Variants in ATR observed in about 807,000 individuals in gnomAD.
ATR encodes the protein serine/threonine-protein kinase ATR.
ATR carries 142 observed loss-of-function variants against 305.3 expected under a neutral mutation model. The ratio of observed to expected loss-of-function variants is 0.47; its 90% CI spans 0.41 to 0.53. The LOEUF is 0.53. Among genes scored for constraint, ATR ranks in the 20% least tolerant of loss-of-function variants. ATR has a pLI of 0.00. For synonymous variants in ATR, 1,050 were observed against 1,068.1 expected (o/e 0.98, Z 0.33); for missense variants, 2,135 against 3,133.1 (o/e 0.68, Z 7.60).
intron 5 of ATR, among the ~76,000 whole-genome samples, chr3:142,561,003 T>C (rs573712801): frequency 6.6e-6 from 1 of 152,324 alleles, no homozygotes; most frequent in East Asian, 1.9e-4. Context: ...TTTTCACATA[T>C]TAAAAAGTTA....
At chr3:142,496,278 C>CTATATATATA (rs6148111) in intron 34 of ATR, 83 bp downstream of exon 34, 2 of 113,690 alleles carry the variant, frequency 1.8e-5, no homozygotes, top group Non-Finnish European at 3.0e-5. Context: ...TAATTCCCGA[C>CTATATATATA]TATATATATA....
At chr3:142,550,847 G>C (rs2034446092) in intron 13 of ATR, among the ~76,000 whole-genome samples, 1 of 151,986 alleles carries the variant, frequency 6.6e-6, no homozygotes, top group South Asian at 2.1e-4. Flanking sequence ...GAATGCAGAG[G>C]TGCGATCTTG....
At chr3:142,563,570 C>T (rs1384392622) in intron 3 of ATR, among the ~76,000 whole-genome samples, 4 of 152,118 alleles carry the variant, frequency 2.6e-5, no homozygotes, top group Non-Finnish European at 4.4e-5. Flanking sequence ...TCTGACCCAC[C>T]GACCAGCAGT....
intron 18 of ATR, among the ~76,000 whole-genome samples, chr3:142,539,007 GT>G (rs2033959130): frequency 6.6e-6 from 1 of 152,056 alleles, no homozygotes; most frequent in Admixed American, 6.6e-5. Context: ...CTATGCAAAT[GT>G]TTTATATAAC....
chr3:142,559,682 T>A (rs1056129051), intron 6 of ATR, among the ~76,000 whole-genome samples: 9 of 152,134 alleles, frequency 5.9e-5, no homozygotes, highest in African/African-American at 2.2e-4. Flanking sequence ...GGTGGGAGGA[T>A]CACTTGAGCC....
chr3:142,527,501 C>T (rs1406394257), intron 21 of ATR, among the ~76,000 whole-genome samples: 3 of 152,084 alleles, frequency 2.0e-5, no homozygotes, highest in Non-Finnish European at 2.9e-5. Flanking sequence ...TAAAAGGGTA[C>T]AAAGTAGTCT....
chr3:142,469,555 G>A lies in ATR; in HGVS notation c.6334C>T (p.Arg2112Cys), dbSNP rs1169255490. 4.3e-6 allele frequency: 7 copies of A among 1,612,940 alleles called. No homozygotes were observed. Among genetic ancestry groups the A allele is most frequent in the East Asian group, 2.2e-5 (1 of 44,876 alleles). ...CCCAAATCATTCCTCATTTGTACAC[G>A]ATCGGAGCGGCCAGCTGGGGGAAGA... Reference protein sequence around the residue: ...YEWEKAGRSDRVQMRNDLGKI... With the variant: ...YEWEKAGRSDCVQMRNDLGKI... The change falls in exon 38 of 47, where the codon CGT becomes TGT. Residue 2112 changes from arginine (R) to cysteine (C), a missense_variant. By Grantham distance (180) the Arg-to-Cys change is radical. This residue lies in a region of ATR where 462 missense variants were observed against 887.6 expected (regional missense o/e 0.52). Coordinates refer to ENST00000350721, the MANE Select transcript of ATR (RefSeq NM_001184.4).
Position 142,519,742 on chromosome 3 carries a change from C to T in ATR, c.4309G>A (p.Gly1437Ser), listed in dbSNP as rs1366497648. ...CTCCTCCACAATTGGTGACCTGGGC[C>T]GTTGGTCTCCATCTCTCTACAGTCA... is the stretch of plus-strand genomic sequence containing the variant. The part of the protein sequence containing the change: ...IYDCREMETN[G>S]PGHQLWRRFP... Residue 1437 changes from glycine to serine, a missense_variant, in exon 24 of 47, where the codon GGC becomes AGC. Gly to Ser is a moderately conservative substitution (Grantham distance 56, BLOSUM62 0). This residue lies in a region of ATR where 202 missense variants were observed against 252.9 expected (regional missense o/e 0.80). Transcript: ENST00000350721. 4.3e-6 allele frequency: 7 copies of T among 1,614,046 alleles called. No homozygotes were observed. The highest frequency in any genetic ancestry group is 4.5e-5 in the East Asian group (2 of 44,880).
At chr3:142,455,716 C>T (rs1467516508) in intron 45 of ATR, among the ~76,000 whole-genome samples, 3 of 152,176 alleles carry the variant, frequency 2.0e-5, no homozygotes, top group African/African-American at 7.2e-5. Context: ...CCCTACCTTA[C>T]ACCATATCTA....
Position 142,458,974 on chromosome 3 carries a change from T to C in ATR, c.7487A>G (p.Asn2496Ser), listed in dbSNP as rs373093280. The change falls in exon 44 of 47, where the codon AAT (asparagine) becomes AGT (serine). Residue 2496 changes from asparagine (N) to serine (S), a missense_variant. Transcript: ENST00000350721. ...LTGECVHVDFNCLFNKGETFE... is the reference protein window; with the variant it reads ...LTGECVHVDFSCLFNKGETFE... ...ATCACATACCTTATTGAAAAGACAA[T>C]TGAAATCTACATGTACGCATTCACC... The C allele has an allele frequency of 3.1e-6, 5 of 1,613,640 alleles. No homozygotes were observed. The highest frequency in any genetic ancestry group is 1.3e-5 in the African/African-American group (1 of 74,908).
intron 3 of ATR, among the ~76,000 whole-genome samples, chr3:142,563,537 A>G (rs1375601120): frequency 2.0e-5 from 3 of 152,192 alleles, no homozygotes; most frequent in Non-Finnish European, 4.4e-5. Context: ...AAGGTGGCAA[A>G]CTTAATGGAT....
intron 46 of ATR, chr3:142,451,989 C>G (rs2070802317): frequency 9.4e-7 from 1 of 1,062,632 alleles, no homozygotes; most frequent in Non-Finnish European, 1.1e-6. Context: ...AGACCATCTG[C>G]TCTTCAACTG....
At chr3:142,578,253 A>G (rs1412693850) in intron 1 of ATR, among the ~76,000 whole-genome samples, 1 of 152,230 alleles carries the variant, frequency 6.6e-6, no homozygotes, top group Non-Finnish European at 1.5e-5. Context: ...GATCACAAAG[A>G]ACAGAAACTG....
chr3:142,461,211 A>G (rs2071018488), intron 42 of ATR, among the ~76,000 whole-genome samples: 1 of 152,146 alleles, frequency 6.6e-6, no homozygotes, highest in Admixed American at 6.5e-5. Flanking sequence ...TTCTTCAAAT[A>G]ACCTGTTTCT....
chr3:142,453,324 A>G, intron 45 of ATR, 91 bp from the exon 46 acceptor site: 2 of 1,419,900 alleles, frequency 1.4e-6, no homozygotes, highest in Non-Finnish European at 2.0e-6. Context: ...TGAGAAGCTA[A>G]TGGTAATACT....
chr3:142,499,532 G>A (rs1170204298), intron 31 of ATR, 95 bp downstream of exon 31: 1 of 1,081,544 alleles, frequency 9.2e-7, no homozygotes, highest in Non-Finnish European at 1.4e-6. Context: ...CTGACCTCAT[G>A]ATCCGCCCGC....
chr3:142,496,262 A>C, intron 34 of ATR, 99 bp downstream of exon 34: 1 of 265,524 alleles, frequency 3.8e-6, no homozygotes, highest in East Asian at 1.2e-4. Context: ...CTTTTAAGGA[A>C]GTACATAATT....
intron 3 of ATR, 28 bp downstream of exon 3, chr3:142,566,093 A>T (rs2108493677): frequency 1.2e-6 from 2 of 1,613,738 alleles, no homozygotes; most frequent in Non-Finnish European, 1.7e-6. Context: ...AACAGATGGC[A>T]AGTGAATGCA....
Position 142,578,685 on chromosome 3 carries a change from T to C in ATR, c.20A>G (p.Glu7Gly), listed in dbSNP as rs1463518082. 3.1e-6 allele frequency: 5 copies of C among 1,613,212 alleles called. No individual in the cohort carries two copies. Among genetic ancestry groups the C allele is most frequent in the Non-Finnish European group, 4.2e-6 (5 of 1,179,814 alleles). MGEHGLELASMIPALRE... is the reference protein window; with the variant it reads MGEHGLGLASMIPALRE... ...CAGGGCGGGGATCATGGAAGCCAGC[T>C]CCAGGCCATGTTCCCCCATGCTGAG... The change falls in exon 1 of 47, where the codon GAG becomes GGG. Residue 7 changes from glutamate to glycine, a missense_variant. Coordinates refer to ENST00000350721, the MANE Select transcript of ATR (RefSeq NM_001184.4).
Sources: allele counts gnomAD v4.1 joint callset (sites outside exome capture counted in the v4.1 genomes callset), GRCh38; gene constraint gnomAD v4.1.1; regional missense constraint gnomAD v4.1.1; transcripts MANE v1.5; gene names NCBI Gene and HGNC (gene_info 2026-07-23, HGNC 2026-07-21).